The following MICU1 variants were observed in gnomAD, a reference collection of about 807,000 sequenced individuals.
MICU1 encodes the protein calcium uptake protein 1, mitochondrial.
Under a neutral mutation model 56.8 loss-of-function variants are expected in MICU1, and 45 were observed. That is an observed-to-expected ratio of 0.79 (90% CI 0.62 to 1.02). The LOEUF is 1.02. MICU1 is among the 50% of genes least tolerant of loss of function. MICU1 has a pLI of 0.00. For missense variants in MICU1, 504 were observed against 587.1 expected (o/e 0.86, Z 1.46); for synonymous variants, 186 against 195.1 (o/e 0.95, Z 0.39).
chr10:72,460,887 A>G (rs1865619752), intron 8 of MICU1, among the ~76,000 whole-genome samples: 1 of 152,174 alleles, frequency 6.6e-6, no homozygotes, highest in Non-Finnish European at 1.5e-5. Context: ...AGTCATCATG[A>G]GCAATAATCA....
chr10:72,485,232 CGTTTTGTTTTGTTTT>C (rs5786080), intron 6 of MICU1, among the ~76,000 whole-genome samples: 1 of 150,254 alleles, frequency 6.7e-6, no homozygotes, highest in Non-Finnish European at 1.5e-5. Context: ...TTTAAATAAT[CGTTTTGTTTTGTTTT>C]GTTTTGTTTT....
intron 5 of MICU1, chr10:72,528,764 G>T (rs80325357): frequency 0.019 from 4,262 of 227,408 alleles, 187 homozygotes; most frequent in African/African-American, 0.095. Context: ...TTATTCTAGG[G>T]TCTTATTTTA....
chr10:72,478,426 A>G, intron 6 of MICU1, among the ~76,000 whole-genome samples: 1 of 152,198 alleles, frequency 6.6e-6, no homozygotes, highest in Non-Finnish European at 1.5e-5. Context: ...TCTGGTAAAG[A>G]AAACTAAGTT....
intron 4 of MICU1, among the ~76,000 whole-genome samples, chr10:72,549,689 G>C (rs1839984787): frequency 6.6e-6 from 1 of 152,088 alleles, no homozygotes; most frequent in Non-Finnish European, 1.5e-5. Context: ...TCATCACTTT[G>C]GGAGGCTGAG....
chr10:72,371,685 C>T (rs955099181), intron 11 of MICU1, among the ~76,000 whole-genome samples: 4 of 151,390 alleles, frequency 2.6e-5, no homozygotes, highest in Admixed American at 1.3e-4. Flanking sequence ...CAGAGGTTGC[C>T]GTGAACCATG....
At chr10:72,448,139 G>C (rs546691933) in intron 8 of MICU1, among the ~76,000 whole-genome samples, 105 of 133,066 alleles carry the variant, frequency 7.9e-4, no homozygotes, top group Non-Finnish European at 1.3e-3. Context: ...GTGTGTGTGT[G>C]TGTGTGTGTG....
At chr10:72,488,465 C>T (rs1357524055) in intron 6 of MICU1, among the ~76,000 whole-genome samples, 1 of 151,722 alleles carries the variant, frequency 6.6e-6, no homozygotes, top group East Asian at 1.9e-4. Context: ...AAAGTTCTAG[C>T]CAAAGCAACA....
chr10:72,602,703 T>C (rs1225747164), intron 1 of MICU1, among the ~76,000 whole-genome samples: 4 of 152,188 alleles, frequency 2.6e-5, no homozygotes, highest in Non-Finnish European at 4.4e-5. Context: ...ATAAATACCA[T>C]TGAACATGCA....
chr10:72,423,115 T>C (rs1271985362), intron 9 of MICU1, 119 bp downstream of exon 9: 1 of 1,346,964 alleles, frequency 7.4e-7, no homozygotes, highest in East Asian at 2.4e-5. Context: ...GTACCAGAAA[T>C]GAATTAGGTG....
chr10:72,587,796 A>G (rs1841105128), intron 1 of MICU1, among the ~76,000 whole-genome samples: 2 of 151,974 alleles, frequency 1.3e-5, no homozygotes, highest in African/African-American at 4.8e-5. Flanking sequence ...ATAAATAAAT[A>G]AATAAAACAA....
rs550170029 is a variant in MICU1, at chr10:72,369,226, CAGG to C, written c.1271-874_1271-872del. ...ACCACCCGGTGATTGCGGCAATCAC[CAGG>C]AGCTCAAGGCTGCAGTGTGCTATGA... On this transcript the variant is annotated intron_variant, in intron 11 of 11. Transcript: ENST00000361114. Among the ~76,000 whole-genome samples the C allele has an allele frequency of 7.5e-3, 1,138 of 150,966 alleles. 4 individuals are homozygous for C. The highest frequency in any genetic ancestry group is 0.011 in the Non-Finnish European group (722 of 67,836).
At chr10:72,475,720 C>T (rs979808586) in intron 7 of MICU1, 24 of 375,970 alleles carry the variant, frequency 6.4e-5, no homozygotes, top group Middle Eastern at 3.8e-4. Flanking sequence ...TGAGCCACCG[C>T]GCCCAGCCTA....
intron 5 of MICU1, among the ~76,000 whole-genome samples, chr10:72,519,667 T>C (rs940195030): frequency 1.4e-4 from 22 of 152,298 alleles, no homozygotes; most frequent in Middle Eastern, 3.4e-3. Flanking sequence ...GAGCGCTAAG[T>C]GTGCTCAAAC....
At chr10:72,517,880 C>T (rs1392727493) in intron 5 of MICU1, among the ~76,000 whole-genome samples, 1 of 151,738 alleles carries the variant, frequency 6.6e-6, no homozygotes, top group Non-Finnish European at 1.5e-5. Context: ...TCATTCTTTC[C>T]CCTAAGCAAA....
intron 1 of MICU1, among the ~76,000 whole-genome samples, chr10:72,593,708 AAC>A: frequency 6.6e-6 from 1 of 152,320 alleles, no homozygotes; most frequent in East Asian, 1.9e-4. Flanking sequence ...TGCAAAACTG[AAC>A]TGCATTTCTA....
rs1286055216 is a variant in MICU1, at chr10:72,475,185, A to G, written c.848T>C (p.Phe283Ser). The G allele has an allele frequency of 6.2e-7, 1 of 1,611,558 alleles. No homozygotes were observed. Among genetic ancestry groups the G allele is most frequent in the Non-Finnish European group, 8.5e-7 (1 of 1,178,820 alleles). ...CAGCTTTCCCTTCAGATCAGCTCCA[A>G]AAAAGTAGGTTGTGAGGGCTGAACA... ...GLCSALTTYF[F>S]GADLKGKLTI... The change falls in exon 8 of 12, where the codon TTT (phenylalanine) becomes TCT (serine). Residue 283 changes from phenylalanine to serine, a missense_variant. Physicochemically the swap from Phe to Ser is radical, Grantham distance 155. Transcript: ENST00000361114.
chr10:72,381,846 TC>T (rs1448023855), intron 10 of MICU1, among the ~76,000 whole-genome samples: 3 of 152,046 alleles, frequency 2.0e-5, no homozygotes, highest in Non-Finnish European at 4.4e-5. Flanking sequence ...CCCCATCACA[TC>T]TTTTCCACAA....
chr10:72,511,153 A>G (rs1867435355), intron 5 of MICU1, among the ~76,000 whole-genome samples: 1 of 152,206 alleles, frequency 6.6e-6, no homozygotes, highest in Non-Finnish European at 1.5e-5. Flanking sequence ...CCATTTAACC[A>G]CACAGTACGT....
intron 8 of MICU1, among the ~76,000 whole-genome samples, chr10:72,465,002 GA>G: frequency 6.6e-6 from 1 of 151,632 alleles, no homozygotes; most frequent in Non-Finnish European, 1.5e-5. Context: ...AGCTCCTGAG[GA>G]AAAAAAAATT....
Sources: allele counts gnomAD v4.1 joint callset (sites outside exome capture counted in the v4.1 genomes callset), GRCh38; gene constraint gnomAD v4.1.1; transcripts MANE v1.5; gene names NCBI Gene and HGNC (gene_info 2026-07-23, HGNC 2026-07-21).